The following ACACA variants were observed in gnomAD, a reference collection of about 807,000 sequenced individuals.
ACACA encodes acetyl-CoA carboxylase alpha.
Under a neutral mutation model 296.1 loss-of-function variants are expected in ACACA, and 103 were observed. The ratio of observed to expected loss-of-function variants is 0.35; its 90% confidence interval spans 0.30 to 0.41. ACACA has a LOEUF of 0.41. Ranked by LOEUF, ACACA falls within the 10% of genes least tolerant of loss-of-function variation. ACACA has a pLI of 1.00. For missense variants in ACACA, 1,554 were observed against 2,989.7 expected (o/e 0.52, Z 11.20); for synonymous variants, 953 against 1,038.6 (o/e 0.92, Z 1.58).
At chr17:37,380,755 G>T (rs919128656) in intron 1 of ACACA, among the ~76,000 whole-genome samples, 1 of 151,982 alleles carries the variant, frequency 6.6e-6, no homozygotes, top group African/African-American at 2.4e-5. Context: ...CTGCCACCAT[G>T]GCTGGCTAAT....
At position 37,086,867 on chromosome 17, in the gene ACACA, CCTTAGCCCTCCTCTG is replaced by C. The variant is rs1424207013; in HGVS notation, c.*434_*448del. On this transcript the variant is annotated 3_prime_UTR_variant, in exon 56 of 56. Coordinates refer to ENST00000616317, the MANE Select transcript of ACACA (RefSeq NM_198834.3). Reference sequence around the variant, plus strand: ...CAATGGACTTGAGGCTTCCTCCTCTCCTTAGCCCTCCTCTGCTGCCTGTGGCTGCGGCTCATGGGG... The same window carrying C: ...CAATGGACTTGAGGCTTCCTCCTCTCCTGCCTGTGGCTGCGGCTCATGGGG... The C allele has an allele frequency of 3.8e-6, 1 of 262,788 alleles. No homozygotes were observed. Among genetic ancestry groups the C allele is most frequent in the Admixed American group, 4.8e-5 (1 of 20,730 alleles). The allele number at this position is 262,788 out of a possible 1,614,324, so 16.3% of individuals were successfully genotyped here.
Position 37,375,854 on chromosome 17 carries a change from G to A in ACACA, c.38+30408C>T, listed in dbSNP as rs144981748. ...TAATCTAGTTCTCTATGTCGGCACC[G>A]GCAGCGAAGTCAGAAGAAGTCTGAG... is the stretch of plus-strand genomic sequence containing the variant. On this transcript the variant is annotated intron_variant, in intron 1 of 55. Coordinates refer to ENST00000616317, the MANE Select transcript of ACACA (RefSeq NM_198834.3). 1,718 of 463,056 alleles carry A rather than the reference G, an allele frequency of 3.7e-3. 19 individuals are homozygous for A. Among genetic ancestry groups the A allele is most frequent in the African/African-American group, 0.03 (1,532 of 50,990 alleles). The allele number at this position is 463,056 out of a possible 1,614,324, so 28.7% of individuals were successfully genotyped here. A position where few individuals can be genotyped will look rare whatever the true frequency, so the allele number is the denominator to read the frequency against.
intron 1 of ACACA, among the ~76,000 whole-genome samples, chr17:37,355,112 A>T (rs755394673): frequency 2.2e-4 from 34 of 151,860 alleles, no homozygotes; most frequent in Admixed American, 7.9e-4. Flanking sequence ...GCATGGTGGC[A>T]TGCGCCTGTA....
intron 24 of ACACA, among the ~76,000 whole-genome samples, chr17:37,237,941 T>G (rs571828086): frequency 2.2e-3 from 335 of 152,270 alleles, no homozygotes; most frequent in African/African-American, 7.9e-3. Context: ...TTTGTATTTT[T>G]TTAGAGACGG....
chr17:37,378,953 C>T (rs886615406), intron 1 of ACACA, among the ~76,000 whole-genome samples: 1 of 152,090 alleles, frequency 6.6e-6, no homozygotes, highest in Non-Finnish European at 1.5e-5. Context: ...CCCATAGTCA[C>T]AGCTACTCAG....
At position 37,406,252 on chromosome 17, in the gene ACACA, T is replaced by C; in HGVS notation, c.38+10A>G. On this transcript the variant is annotated intron_variant, in intron 1 of 55. Coordinates refer to ENST00000616317, the MANE Select transcript of ACACA (RefSeq NM_198834.3). ...CATTAACAGCAGTAATAAGAGATCT[T>C]GGGACATACCTAGCCCTCAAGATTG... The C allele has an allele frequency of 6.2e-7, 1 of 1,614,046 alleles. No homozygotes were observed. The highest frequency in any genetic ancestry group is 8.5e-7 in the Non-Finnish European group (1 of 1,179,914).
At chr17:37,361,376 A>T (rs1264510185) in intron 1 of ACACA, among the ~76,000 whole-genome samples, 1 of 152,124 alleles carries the variant, frequency 6.6e-6, no homozygotes, top group East Asian at 1.9e-4. Flanking sequence ...CCAGCTTTAC[A>T]AGCTCTGCAA....
Position 37,192,216 on chromosome 17 carries a change from G to C in ACACA, c.4290C>G (p.Ala1430=). 1.9e-6 allele frequency: 3 copies of C among 1,614,046 alleles called. No homozygotes were observed. Among genetic ancestry groups the C allele is most frequent in the Non-Finnish European group, 2.5e-6 (3 of 1,180,006 alleles). The change falls in exon 37 of 56, where the codon GCC becomes GCG. Residue 1430 remains alanine, a synonymous_variant. Transcript: ENST00000616317. ...GCATCTTGTGATTAGCACATGGAATGGCAGTGAGGTCAAAATTTCTCATCC... is the reference window on the plus strand; with the variant it reads ...GCATCTTGTGATTAGCACATGGAATCGCAGTGAGGTCAAAATTTCTCATCC... The part of the protein sequence containing the change: ...LNRMRNFDLT[A]IPCANHKMHL...
intron 41 of ACACA, among the ~76,000 whole-genome samples, chr17:37,164,940 T>C (rs1028536411): frequency 6.6e-6 from 1 of 152,152 alleles, no homozygotes; most frequent in East Asian, 1.9e-4. Context: ...AATACTCTTA[T>C]CTTTCATTAC....
chr17:37,093,133 G>C (rs1231222346), intron 54 of ACACA, among the ~76,000 whole-genome samples: 1 of 152,190 alleles, frequency 6.6e-6, no homozygotes, highest in Non-Finnish European at 1.5e-5. Context: ...TTATTCATCA[G>C]TAGCCTGAGG....
chr17:37,290,864 C>T (rs546397772), intron 3 of ACACA, among the ~76,000 whole-genome samples: 1 of 152,018 alleles, frequency 6.6e-6, no homozygotes, highest in East Asian at 1.9e-4. Flanking sequence ...AGGTGGACCA[C>T]GAGGTCAAGA....
intron 1 of ACACA, among the ~76,000 whole-genome samples, chr17:37,398,992 T>TA (rs1453238054): frequency 1.3e-5 from 2 of 151,416 alleles, no homozygotes; most frequent in Non-Finnish European, 2.9e-5. Context: ...ATTCTTTTTT[T>TA]TTTTTAGATG....
rs2083839297 is a variant in ACACA at position 37,305,656 on chromosome 17, C to T, written c.339-20686G>A. ...AACCACAAACAGGCAAAGTCACTGG[C>T]CTGTGCCACTCACCCACTGCCAAGT... On this transcript the variant is annotated intron_variant, in intron 3 of 55. Transcript: ENST00000616317. Among the ~76,000 whole-genome samples, 3 of 152,196 alleles carry T rather than the reference C, an allele frequency of 2.0e-5. No individual in the cohort carries two copies. In the South Asian group the frequency reaches 6.2e-4, roughly 31 times the overall value.
intron 27 of ACACA, among the ~76,000 whole-genome samples, 198 bp from the exon 28 acceptor site, chr17:37,223,799 A>G (rs1744750921): frequency 6.6e-6 from 1 of 152,272 alleles, no homozygotes; most frequent in Non-Finnish European, 1.5e-5. Flanking sequence ...GTATTATATG[A>G]GTAAATACAT....
intron 42 of ACACA, among the ~76,000 whole-genome samples, chr17:37,161,365 A>G (rs927571361): frequency 6.6e-5 from 10 of 152,202 alleles, no homozygotes; most frequent in African/African-American, 2.4e-4. Flanking sequence ...GGGGGAAGCA[A>G]TATCTTTAGA....
At chr17:37,187,562 G>A (rs954872408) in intron 39 of ACACA, among the ~76,000 whole-genome samples, 1 of 152,096 alleles carries the variant, frequency 6.6e-6, no homozygotes, top group East Asian at 1.9e-4. Flanking sequence ...AGAAACCAAC[G>A]TAGTAAAAAA....
chr17:37,131,477 T>C (rs2075094902), intron 45 of ACACA, among the ~76,000 whole-genome samples: 1 of 152,204 alleles, frequency 6.6e-6, no homozygotes, highest in Non-Finnish European at 1.5e-5. Flanking sequence ...TACTGTATTT[T>C]ACCTTTTCTT....
intron 5 of ACACA, among the ~76,000 whole-genome samples, chr17:37,278,282 T>C (rs1328738092): frequency 6.6e-6 from 1 of 152,258 alleles, no homozygotes; most frequent in African/African-American, 2.4e-5. Flanking sequence ...TTATGACTTC[T>C]ATATCAAGGC....
At chr17:37,359,138 C>T (rs1407433665) in intron 1 of ACACA, 1 of 983,528 alleles carries the variant, frequency 1.0e-6, no homozygotes, top group South Asian at 4.7e-5. Context: ...GGAGAAGGGG[C>T]GGGGCTTCAG....
Sources: allele counts gnomAD v4.1 joint callset (sites outside exome capture counted in the v4.1 genomes callset), GRCh38; gene constraint gnomAD v4.1.1; transcripts MANE v1.5; gene names NCBI Gene and HGNC (gene_info 2026-07-23, HGNC 2026-07-21).